The following RBFOX1 variants were observed in gnomAD, a reference collection of about 807,000 sequenced individuals.
RBFOX1 encodes RNA binding fox-1 homolog 1.
In RBFOX1, 8 loss-of-function variants were observed where a neutral mutation model predicts 57.7. That is an observed-to-expected ratio of 0.14 (90% CI 0.08 to 0.25). The LOEUF is 0.25. Ranked by LOEUF, RBFOX1 falls within the 10% of genes least tolerant of loss-of-function variation. RBFOX1 has a pLI of 1.00. For synonymous variants in RBFOX1, 326 were observed against 222.4 expected (o/e 1.47, Z -4.15); for missense variants, 611 against 548.5 (o/e 1.11, Z -1.14).
chr16:7,148,117 C>A (rs1440197298), intron 4 of RBFOX1, among the ~76,000 whole-genome samples: 1 of 152,156 alleles, frequency 6.6e-6, no homozygotes, highest in African/African-American at 2.4e-5. Context: ...AAGTGACGCA[C>A]AATTGACTTA....
intron 2 of RBFOX1, among the ~76,000 whole-genome samples, chr16:6,478,423 ATATATATTTTTTTTTTT>A (rs1255597350): frequency 1.7e-4 from 2 of 11,990 alleles, no homozygotes; most frequent in African/African-American, 4.2e-4. Context: ...ATATATATAT[ATATATATTTTTTTTTTT>A]TTTTTTTGTA....
chr16:6,722,758 C>T (rs1473770139), intron 3 of RBFOX1, among the ~76,000 whole-genome samples: 1 of 152,204 alleles, frequency 6.6e-6, no homozygotes, highest in Non-Finnish European at 1.5e-5. Flanking sequence ...ATCAATACTA[C>T]ATGAATTATG....
chr16:6,447,628 C>T (rs988983989), intron 2 of RBFOX1, among the ~76,000 whole-genome samples: 3 of 152,110 alleles, frequency 2.0e-5, no homozygotes, highest in Non-Finnish European at 4.4e-5. Flanking sequence ...TCTCTACGTG[C>T]GCGGACAAAT....
intron 3 of RBFOX1, among the ~76,000 whole-genome samples, chr16:6,681,299 C>T (rs769814784): frequency 2.6e-5 from 4 of 151,948 alleles, no homozygotes; most frequent in Non-Finnish European, 5.9e-5. Context: ...GTTTAGGTGA[C>T]AGAGCAAGAG....
chr16:5,969,325 G>GTTTTTTTTTTTTTTTTTTTT (rs1392384342), intron 4 of RBFOX1, among the ~76,000 whole-genome samples: 2 of 120,648 alleles, frequency 1.7e-5, no homozygotes, highest in Non-Finnish European at 3.3e-5. Context: ...TTTTTTTTTG[G>GTTTTTTTTTTTTTTTTTTTT]TTTGGAAATG....
chr16:7,301,936 G>A (rs2096045247), intron 4 of RBFOX1, among the ~76,000 whole-genome samples: 1 of 152,094 alleles, frequency 6.6e-6, no homozygotes, highest in South Asian at 2.1e-4. Flanking sequence ...AGGCAGGTAG[G>A]AAGTAAGAGA....
intron 1 of RBFOX1, among the ~76,000 whole-genome samples, chr16:6,145,154 A>C (rs115867391): frequency 0.031 from 4,757 of 152,044 alleles, 274 homozygotes; most frequent in African/African-American, 0.11. Flanking sequence ...CCTACTGCCC[A>C]TTAGTTATAT....
chr16:7,211,319 G>T (rs979639041), intron 4 of RBFOX1, among the ~76,000 whole-genome samples: 6 of 150,836 alleles, frequency 4.0e-5, no homozygotes, highest in African/African-American at 1.5e-4. Flanking sequence ...GTGAACCTGG[G>T]AGGCGGAGCT....
At chr16:6,504,236 G>C (rs913318922) in intron 2 of RBFOX1, among the ~76,000 whole-genome samples, 22 of 152,174 alleles carry the variant, frequency 1.4e-4, no homozygotes, top group Admixed American at 4.6e-4. Context: ...GTTCTGACAA[G>C]TATGTCGATT....
chr16:5,860,803 G>A (rs764551949), intron 3 of RBFOX1, among the ~76,000 whole-genome samples: 1 of 152,094 alleles, frequency 6.6e-6, no homozygotes, highest in Non-Finnish European at 1.5e-5. Context: ...AAGCTCCAGG[G>A]CTCCTCTTGT....
At chr16:6,534,598 C>G (rs149649636) in intron 2 of RBFOX1, among the ~76,000 whole-genome samples, 25 of 152,154 alleles carry the variant, frequency 1.6e-4, no homozygotes, top group African/African-American at 4.1e-4. Context: ...ATATTGATAC[C>G]CGGGTGATTT....
At chr16:7,368,999 C>G (rs1022893981) in intron 4 of RBFOX1, among the ~76,000 whole-genome samples, 1 of 151,850 alleles carries the variant, frequency 6.6e-6, no homozygotes, top group Non-Finnish European at 1.5e-5. Flanking sequence ...GCAAGAAGTG[C>G]TAGATGATCC....
At chr16:5,478,131 C>T (rs916530796) in intron 2 of RBFOX1, among the ~76,000 whole-genome samples, 10 of 152,100 alleles carry the variant, frequency 6.6e-5, no homozygotes, top group African/African-American at 1.4e-4. Flanking sequence ...TCCCTGATTC[C>T]GCAGCCAAAT....
At chr16:6,224,830 G>C (rs2097403778) in intron 1 of RBFOX1, among the ~76,000 whole-genome samples, 1 of 151,994 alleles carries the variant, frequency 6.6e-6, no homozygotes, top group Non-Finnish European at 1.5e-5. Flanking sequence ...AGACCAGCCT[G>C]ACCAACATGG....
At chr16:7,528,119 C>T (rs1294681676) in intron 5 of RBFOX1, among the ~76,000 whole-genome samples, 1 of 152,194 alleles carries the variant, frequency 6.6e-6, no homozygotes, top group Non-Finnish European at 1.5e-5. Flanking sequence ...GACCCAAGGA[C>T]ATCTTGCTTT....
rs2071561530 is a variant in RBFOX1 at position 6,739,968 on chromosome 16, A to G, written c.-16+85318A>G. 5.9e-5 allele frequency among the ~76,000 whole-genome samples: 9 copies of G among 152,196 alleles called. No individual in the cohort carries two copies. The South Asian group carries it at 1.9e-3, about 31-fold the overall frequency. ...CTGGACAAAGAAAGTAACAAAAGAA[A>G]CAAGAAAACTGCAAATCAATATCCC... On this transcript the variant is annotated intron_variant, in intron 3 of 15. Transcript: ENST00000550418.
At chr16:6,911,754 C>G (rs1431176307) in intron 3 of RBFOX1, among the ~76,000 whole-genome samples, 1 of 152,134 alleles carries the variant, frequency 6.6e-6, no homozygotes. Flanking sequence ...ACCATGCATA[C>G]CTACAGCAAA....
At chr16:7,156,845 G>A (rs1206192777) in intron 4 of RBFOX1, among the ~76,000 whole-genome samples, 1 of 151,962 alleles carries the variant, frequency 6.6e-6, no homozygotes, top group Non-Finnish European at 1.5e-5. Flanking sequence ...CTTATTTAAT[G>A]GCTAGATCGA....
At chr16:6,558,877 T>A (rs1468782512) in intron 2 of RBFOX1, among the ~76,000 whole-genome samples, 1 of 151,872 alleles carries the variant, frequency 6.6e-6, no homozygotes, top group Non-Finnish European at 1.5e-5. Flanking sequence ...AGTGGGACGT[T>A]GTGAGCATTC....
Sources: allele counts gnomAD v4.1 joint callset (sites outside exome capture counted in the v4.1 genomes callset), GRCh38; gene constraint gnomAD v4.1.1; transcripts MANE v1.5; gene names NCBI Gene and HGNC (gene_info 2026-07-23, HGNC 2026-07-21).